The following ATP10B variants were observed in gnomAD, a reference collection of about 807,000 sequenced individuals.
The protein encoded by ATP10B is phospholipid-transporting ATPase VB.
Under a neutral mutation model 141.2 loss-of-function variants are expected in ATP10B, and 122 were observed. The observed-to-expected ratio is 0.86, with a 90% CI of 0.75 to 1.00. ATP10B has a LOEUF of 1.00. ATP10B is among the 50% of genes least tolerant of loss of function. The pLI, the probability that ATP10B is intolerant of heterozygous loss-of-function variation, is 0.00. For synonymous variants in ATP10B, 685 were observed against 692.0 expected, an observed-to-expected ratio of 0.99 and a Z score of 0.16; for missense variants, 1,876 against 1,825.3, an observed-to-expected ratio of 1.03 and a Z score of -0.51.
intron 7 of ATP10B, among the ~76,000 whole-genome samples, chr5:160,653,656 CATATATACAT>C (rs1761165256): frequency 4.0e-5 from 3 of 74,992 alleles, no homozygotes; most frequent in South Asian, 4.9e-4. Flanking sequence ...ATTATATATA[CATATATACAT>C]ATATATTATA....
chr5:160,622,023 G>C (rs1488815200), intron 14 of ATP10B, among the ~76,000 whole-genome samples: 1 of 152,124 alleles, frequency 6.6e-6, no homozygotes, highest in Non-Finnish European at 1.5e-5. Flanking sequence ...TTAAATCTAA[G>C]GTCCTGCCTC....
intron 1 of ATP10B, among the ~76,000 whole-genome samples, chr5:160,804,255 TCTC>T (rs1410957808): frequency 3.9e-5 from 6 of 152,206 alleles, no homozygotes; most frequent in Admixed American, 3.3e-4. Flanking sequence ...AGTATGCACT[TCTC>T]CTTCTCAGCA....
intron 24 of ATP10B, among the ~76,000 whole-genome samples, chr5:160,583,734 G>A (rs1755703981): frequency 6.6e-6 from 1 of 152,216 alleles, no homozygotes; most frequent in Non-Finnish European, 1.5e-5. Flanking sequence ...ACCCAGAGAG[G>A]AGGAATCTAG....
the ATP10B span, among the ~76,000 whole-genome samples, chr5:160,920,962 A>G: frequency 2.0e-5 from 3 of 152,286 alleles, no homozygotes; most frequent in Non-Finnish European, 4.4e-5. Context: ...CTCTTTTTAA[A>G]GGTTTAATAA....
the ATP10B span, among the ~76,000 whole-genome samples, chr5:160,903,296 G>C: frequency 6.6e-6 from 1 of 152,112 alleles, no homozygotes; most frequent in Non-Finnish European, 1.5e-5. Flanking sequence ...CCCAGTTCTC[G>C]ATGTGGTGAG....
At chr5:160,750,952 C>T (rs1000334282) in intron 2 of ATP10B, among the ~76,000 whole-genome samples, 1 of 152,186 alleles carries the variant, frequency 6.6e-6, no homozygotes, top group Non-Finnish European at 1.5e-5. Flanking sequence ...TAGATTCTAG[C>T]ATAGACATTT....
At chr5:160,858,441 T>C in the ATP10B span, among the ~76,000 whole-genome samples, 1 of 151,960 alleles carries the variant, frequency 6.6e-6, no homozygotes, top group Non-Finnish European at 1.5e-5. Context: ...AAAATAAATT[T>C]TGAATTTTGT....
At chr5:160,846,451 G>A (rs1281939862) in intron 1 of ATP10B, among the ~76,000 whole-genome samples, 3 of 152,116 alleles carry the variant, frequency 2.0e-5, no homozygotes, top group Non-Finnish European at 4.4e-5. Flanking sequence ...AACTGGAAAA[G>A]ACCAATCCCA....
chr5:160,632,620 G>GT (rs34556097), intron 12 of ATP10B: 396 of 128,566 alleles, frequency 3.1e-3, no homozygotes, highest in Admixed American at 6.9e-3. Context: ...TTCCTCAGAG[G>GT]TTTTTTTTTT....
intron 7 of ATP10B, among the ~76,000 whole-genome samples, chr5:160,657,171 T>C (rs1229484274): frequency 6.6e-6 from 1 of 151,756 alleles, no homozygotes; most frequent in Non-Finnish European, 1.5e-5. Flanking sequence ...ACACTAAAGT[T>C]TTTTTTTTCA....
chr5:160,899,649 G>C, the ATP10B span, among the ~76,000 whole-genome samples: 1 of 152,082 alleles, frequency 6.6e-6, no homozygotes, highest in African/African-American at 2.4e-5. Context: ...AGTAATACAT[G>C]TTCATCACAA....
chr5:160,618,416 CTATT>C (rs1458882521), intron 15 of ATP10B, among the ~76,000 whole-genome samples: 1 of 152,156 alleles, frequency 6.6e-6, no homozygotes, highest in Non-Finnish European at 1.5e-5. Flanking sequence ...AAACTGTTCT[CTATT>C]TATCATCTTC....
intron 3 of ATP10B, among the ~76,000 whole-genome samples, chr5:160,693,774 G>A (rs916909981): frequency 7.9e-5 from 12 of 152,150 alleles, no homozygotes; most frequent in Non-Finnish European, 4.4e-5. Context: ...TAGATCCCTC[G>A]CATGCACAAT....
the ATP10B span, among the ~76,000 whole-genome samples, chr5:160,867,625 T>C: frequency 6.6e-6 from 1 of 152,104 alleles, no homozygotes; most frequent in Admixed American, 6.6e-5. Flanking sequence ...TGACTTAGAT[T>C]GGGAGGATAA....
intron 11 of ATP10B, 129 bp downstream of exon 11, chr5:160,636,053 T>C (rs1197433715): frequency 2.7e-6 from 3 of 1,091,154 alleles, no homozygotes; most frequent in African/African-American, 1.6e-5. Context: ...AAGAAAGCGA[T>C]GACCATCTCC....
At chr5:160,698,315 T>C (rs1764487357) in intron 3 of ATP10B, among the ~76,000 whole-genome samples, 1 of 152,160 alleles carries the variant, frequency 6.6e-6, no homozygotes, top group Non-Finnish European at 1.5e-5. Context: ...ATCCATTTTT[T>C]CCCTTTAAAT....
intron 11 of ATP10B, 120 bp downstream of exon 11, chr5:160,636,062 C>G: frequency 8.7e-7 from 1 of 1,144,766 alleles, no homozygotes; most frequent in Non-Finnish European, 1.2e-6. Flanking sequence ...ATGACCATCT[C>G]CTCATCTCAA....
chr5:160,636,137 T>G, intron 11 of ATP10B, 45 bp downstream of exon 11: 1 of 1,548,994 alleles, frequency 6.5e-7, no homozygotes, highest in Non-Finnish European at 8.7e-7. Context: ...GTAGGAGTTT[T>G]GGCCACATAT....
chr5:160,718,375 A>G (rs1225757346), intron 2 of ATP10B, among the ~76,000 whole-genome samples: 1 of 152,222 alleles, frequency 6.6e-6, no homozygotes, highest in Non-Finnish European at 1.5e-5. Context: ...GAAGTCAGAC[A>G]AGTATGGATT....
Sources: allele counts gnomAD v4.1 joint callset (sites outside exome capture counted in the v4.1 genomes callset), GRCh38; gene constraint gnomAD v4.1.1; transcripts MANE v1.5; gene names NCBI Gene and HGNC (gene_info 2026-07-23, HGNC 2026-07-21).